NOTCH1: variants seen among roughly 807,000 people sequenced by gnomAD.
NOTCH1 encodes the protein notch receptor 1.
In NOTCH1, 37 loss-of-function variants were observed where a neutral mutation model predicts 254.8. That is an observed-to-expected ratio of 0.15 (90% CI 0.11 to 0.19). NOTCH1 has a LOEUF of 0.19. NOTCH1 is among the 10% of genes least tolerant of loss of function. NOTCH1 has a pLI of 1.00. For missense variants in NOTCH1, 2,972 were observed against 3,708.6 expected (o/e 0.80, Z 5.16); for synonymous variants, 1,731 against 1,618.1 (o/e 1.07, Z -1.68).
chr9:136,511,753 G>A (rs1391127885), intron 15 of NOTCH1, among the ~76,000 whole-genome samples: 4 of 152,244 alleles, frequency 2.6e-5, no homozygotes, highest in East Asian at 1.9e-4. Flanking sequence ...CGCCCATCAC[G>A]GGAGGCCAAC....
rs10870078 is a variant in NOTCH1, at chr9:136,519,087, C to T, written c.866-263G>A. Among the ~76,000 whole-genome samples, 19,254 of 152,296 alleles carry T rather than the reference C, an allele frequency of 0.13. 1,323 individuals are homozygous for T. Among genetic ancestry groups the T allele is most frequent in the South Asian group, 0.26 (1,256 of 4,824 alleles). On this transcript the variant is annotated intron_variant, in intron 5 of 33. Transcript: ENST00000651671. The stretch of plus-strand genomic sequence containing the variant: ...AGAGGGTAATTCCCGAACACAGGGC[C>T]TGTCTGTTCATCCAGGCATCCCTGT...
At chr9:136,503,562 G>A (rs994050114) in intron 26 of NOTCH1, among the ~76,000 whole-genome samples, 6 of 152,154 alleles carry the variant, frequency 3.9e-5, no homozygotes, top group African/African-American at 9.7e-5. Context: ...ACCCACCAAC[G>A]CGCTCTCCCT....
chr9:136,521,537 C>T (rs969505411), intron 4 of NOTCH1, among the ~76,000 whole-genome samples: 3 of 152,192 alleles, frequency 2.0e-5, no homozygotes, highest in African/African-American at 7.2e-5. Flanking sequence ...ACCCCACCTG[C>T]CCTAGCCTGA....
At chr9:136,524,643 T>TC (rs1843431363) in intron 2 of NOTCH1, among the ~76,000 whole-genome samples, 1 of 53,850 alleles carries the variant, frequency 1.9e-5, no homozygotes, top group African/African-American at 1.1e-4. Context: ...TCTTTTCTTT[T>TC]TTTTTTTTTT....
In NOTCH1 at chr9:136,510,061, C is replaced by T. The variant is rs62579193; in HGVS notation, c.2741-100G>A. On this transcript the variant is annotated intron_variant, in intron 17 of 33. Coordinates refer to ENST00000651671, the MANE Select transcript of NOTCH1 (RefSeq NM_017617.5). ...CATGGCTGGGGACAGCCCAGCCTTT[C>T]GTTGCCGAGGCTGCGGCAAGCAGCC... The T allele has an allele frequency of 5.0e-5, 59 of 1,182,582 alleles. 1 individual carries two copies. Among genetic ancestry groups the T allele is most frequent in the South Asian group, 1.1e-4 (9 of 81,274 alleles). 73.3% of individuals were successfully genotyped at this position (1,182,582 alleles called of 1,614,324 possible).
rs760793359 is a variant in NOTCH1 at position 136,496,619 on chromosome 9, C to A, written c.7120G>T (p.Ala2374Ser). The part of the protein sequence containing the change: ...SYQGLPSTRL[A>S]TQPHLVQTQQ... ...GTCTGCACCAGGTGAGGCTGGGTGG[C>A]CAGCCGGGTGCTGGGCAGGCCCTGG... The change falls in exon 34 of 34, where the codon GCC becomes TCC. Residue 2374 changes from alanine to serine, a missense_variant. Coordinates refer to ENST00000651671, the MANE Select transcript of NOTCH1 (RefSeq NM_017617.5). The A allele has an allele frequency of 1.3e-5, 21 of 1,612,902 alleles. No individual in the cohort carries two copies. The South Asian group carries it at 1.9e-4, about 14-fold the overall frequency.
Position 136,545,690 on chromosome 9 carries a change from C to A in NOTCH1, c.61+36G>T. On this transcript the variant is annotated intron_variant, in intron 1 of 33. Coordinates refer to ENST00000651671, the MANE Select transcript of NOTCH1 (RefSeq NM_017617.5). This position sits in a 1 kb window ranked among gnomAD's most constrained non-coding sequence, Gnocchi z 6.8. The stretch of plus-strand genomic sequence containing the variant: ...GCGCCGCCAAAGTTTCCAAAGGGCG[C>A]GGAAAGTGGGGGCTCGCGGGTGGGT... The A allele has an allele frequency of 7.1e-7, 1 of 1,413,388 alleles. No homozygotes were observed. Among genetic ancestry groups the A allele is most frequent in the Admixed American group, 2.8e-5 (1 of 36,204 alleles). The allele number at this position is 1,413,388 out of a possible 1,614,324, so 87.6% of individuals were successfully genotyped here.
chr9:136,503,414 G>A (rs918383641), intron 26 of NOTCH1, 84 bp from the exon 27 acceptor site: 8 of 1,598,232 alleles, frequency 5.0e-6, no homozygotes, highest in Non-Finnish European at 6.8e-6. Context: ...GCAGGACACT[G>A]AGGCCCATGA....
At chr9:136,501,439 CA>C (rs77677481) in intron 30 of NOTCH1, among the ~76,000 whole-genome samples, 118 of 53,184 alleles carry the variant, frequency 2.2e-3, no homozygotes, top group African/African-American at 6.7e-3. Context: ...ATCTCAAAAA[CA>C]AAAAAAAAAG....
rs1460238413 is a variant in NOTCH1, at chr9:136,545,404, C to T, written c.61+322G>A. On this transcript the variant is annotated intron_variant, in intron 1 of 33. Coordinates refer to ENST00000651671, the MANE Select transcript of NOTCH1 (RefSeq NM_017617.5). This position sits in a 1 kb window ranked among gnomAD's most constrained non-coding sequence, Gnocchi z 6.8. ...AATAGTAGGCAGCCCGCCCGCCCGG[C>T]CGACCGGCGGCAAGCCCCACGCGCG... Among the ~76,000 whole-genome samples the T allele has an allele frequency of 1.3e-5, 2 of 151,882 alleles. No individual in the cohort carries two copies. The highest frequency in any genetic ancestry group is 4.8e-5 in the African/African-American group (2 of 41,340).
At chr9:136,501,714 G>A (rs756428692) in intron 30 of NOTCH1, 34 bp downstream of exon 30, 3 of 1,607,244 alleles carry the variant, frequency 1.9e-6, no homozygotes, top group South Asian at 1.1e-5. Context: ...GTGGGCCACG[G>A]GGCTAGGGAA....
chr9:136,496,641 C>G lies in NOTCH1; in HGVS notation c.7098G>C (p.Gln2366His). Residue 2366 changes from glutamine to histidine, a missense_variant, in exon 34 of 34, where the codon CAG becomes CAC. Physicochemically the swap from Gln to His is conservative, Grantham distance 24. This residue lies in a region of NOTCH1 where 529 missense variants were observed against 529.2 expected (regional missense o/e 1.00). Coordinates refer to ENST00000651671, the MANE Select transcript of NOTCH1 (RefSeq NM_017617.5). Reference sequence around the variant, plus strand: ...TGGCCAGCCGGGTGCTGGGCAGGCCCTGGTAGCTCATCATCTGGGACAGGG... The same window carrying G: ...TGGCCAGCCGGGTGCTGGGCAGGCCGTGGTAGCTCATCATCTGGGACAGGG... ...ASALSQMMSY[Q>H]GLPSTRLATQ... 1 of 1,613,166 alleles carries G rather than the reference C, an allele frequency of 6.2e-7. No individual in the cohort carries two copies. The highest frequency in any genetic ancestry group is 8.5e-7 in the Non-Finnish European group (1 of 1,179,988).
At chr9:136,508,754 T>C in intron 19 of NOTCH1, 116 bp downstream of exon 19, 2 of 1,051,378 alleles carry the variant, frequency 1.9e-6, no homozygotes, top group Non-Finnish European at 2.7e-6. Context: ...TGCCCGGGGG[T>C]GTGGGGGTGA....
chr9:136,497,338 G>A lies in NOTCH1; in HGVS notation c.6401C>T (p.Thr2134Ile), dbSNP rs1249825304. The A allele has an allele frequency of 1.0e-5, 16 of 1,606,154 alleles. No individual in the cohort carries two copies. Among genetic ancestry groups the A allele is most frequent in the Non-Finnish European group, 1.4e-5 (16 of 1,179,312 alleles). ...LHGAPLGGTP[T>I]LSPPLCSPNG... Reference sequence around the variant, plus strand: ...GGGCGAGCAGAGCGGGGGCGACAGGGTGGGCGTGCCCCCCAGCGGGGCTCC... The same window carrying A: ...GGGCGAGCAGAGCGGGGGCGACAGGATGGGCGTGCCCCCCAGCGGGGCTCC... The change falls in exon 34 of 34, where the codon ACC (threonine) becomes ATC (isoleucine). Residue 2134 changes from threonine (T) to isoleucine (I), a missense_variant. Thr to Ile is a moderately conservative substitution (Grantham distance 89, BLOSUM62 -1). Transcript: ENST00000651671.
At chr9:136,527,051 C>T (rs1044618872) in intron 2 of NOTCH1, among the ~76,000 whole-genome samples, 31 of 152,330 alleles carry the variant, frequency 2.0e-4, no homozygotes, top group South Asian at 2.1e-4. Context: ...TGGGGGGAAC[C>T]GGGCCGAGCC....
chr9:136,500,507 C>T lies in NOTCH1; in HGVS notation c.5934+45G>A, dbSNP rs11574909. 14,423 of 1,601,914 alleles carry T rather than the reference C, an allele frequency of 9.0e-3. 960 individuals are homozygous for T. In the African/African-American group the frequency reaches 0.16, roughly 17 times the overall value. On this transcript the variant is annotated intron_variant, in intron 31 of 33. Coordinates refer to ENST00000651671, the MANE Select transcript of NOTCH1 (RefSeq NM_017617.5). ...CTGGCCACTGCCCCAGACCACCAGG[C>T]GGCCCTGAGGAGGGCAGGTGGGCAC... is the stretch of plus-strand genomic sequence containing the variant.
chr9:136,527,856 G>A (rs1006240497), intron 2 of NOTCH1, among the ~76,000 whole-genome samples: 71 of 152,222 alleles, frequency 4.7e-4, no homozygotes, highest in Non-Finnish European at 3.8e-4. Flanking sequence ...AGGGTGCCAA[G>A]TGGCCCCGGC....
At chr9:136,503,933 G>A (rs762803690) in intron 26 of NOTCH1, among the ~76,000 whole-genome samples, 4 of 152,246 alleles carry the variant, frequency 2.6e-5, no homozygotes, top group Non-Finnish European at 5.9e-5. Context: ...GCCCCAGATC[G>A]AGTAGGCATG....
Position 136,514,551 on chromosome 9 carries a change from G to A in NOTCH1, c.2166C>T (p.Ser722=), listed in dbSNP as rs2133360572. 6.2e-7 allele frequency: 1 copy of A among 1,604,298 alleles called. No individual in the cohort carries two copies. Among genetic ancestry groups the A allele is most frequent in the Non-Finnish European group, 8.5e-7 (1 of 1,176,460 alleles). Residue 722 remains serine (S), a synonymous_variant, in exon 13 of 34, where the codon AGC becomes AGT. Transcript: ENST00000651671. ...TCLSEVNECN[S]NPCVHGACRD... is the part of the protein sequence containing the mutation. ...GGCAGGCCCCGTGGACGCAGGGGTT[G>A]CTGTTGCACTCATTGACCTCAGACA... is the stretch of plus-strand genomic sequence containing the variant.
Sources: allele counts gnomAD v4.1 joint callset (sites outside exome capture counted in the v4.1 genomes callset), GRCh38; gene constraint gnomAD v4.1.1; regional missense constraint gnomAD v4.1.1; non-coding constraint Gnocchi (gnomAD v3.1); transcripts MANE v1.5; gene names NCBI Gene and HGNC (gene_info 2026-07-23, HGNC 2026-07-21).